Variants in MEST observed in about 807,000 individuals in gnomAD.
The protein encoded by MEST is mesoderm specific transcript.
MEST carries 18 observed loss-of-function variants against 50.9 expected under a neutral mutation model. The ratio of observed to expected loss-of-function variants is 0.35; its 90% CI spans 0.24 to 0.52. The LOEUF (loss-of-function observed/expected upper bound fraction) is 0.52. MEST is among the 20% of genes least tolerant of loss of function. The probability of loss-of-function intolerance (pLI) is 0.94; values close to 1 mark genes in which losing one functional copy is unlikely to be tolerated. For synonymous variants in MEST, 130 were observed against 154.1 expected, an observed-to-expected ratio of 0.84 and a Z score of 1.16; for missense variants, 282 against 425.3, an observed-to-expected ratio of 0.66 and a Z score of 2.96.
At chr7:130,494,746 C>T (rs1563021056) in intron 1 of MEST, 1 of 649,568 alleles carries the variant, frequency 1.5e-6, no homozygotes, top group African/African-American at 2.0e-5. Flanking sequence ...ACTGTTTACC[C>T]TGAGCAGTTT....
At chr7:130,487,042 C>T (rs1798646337) in intron 1 of MEST, 1 of 151,698 alleles carries the variant, frequency 6.6e-6, no homozygotes, top group Non-Finnish European at 1.5e-5. Flanking sequence ...GAAGCACCTG[C>T]TCCTGGTTGA....
chr7:130,495,722 A>T (rs1479221550), intron 2 of MEST, 200 bp downstream of exon 2: 1 of 473,158 alleles, frequency 2.1e-6, no homozygotes, highest in Non-Finnish European at 3.6e-6. Context: ...TCCAACCTGC[A>T]GACCTTACCT....
At chr7:130,503,162 T>C (rs1280058221) in intron 10 of MEST, among the ~76,000 whole-genome samples, 1 of 152,228 alleles carries the variant, frequency 6.6e-6, no homozygotes, top group African/African-American at 2.4e-5. Flanking sequence ...ATCAAGAGGC[T>C]ATAGGTGGTT....
intron 1 of MEST, among the ~76,000 whole-genome samples, chr7:130,493,752 A>T (rs1478827553): frequency 6.6e-6 from 1 of 152,196 alleles, no homozygotes. Context: ...GATGAATGCG[A>T]TGAGAAGCAC....
In MEST at chr7:130,500,778, G is replaced by T; in HGVS notation, c.648-11G>T. 1.9e-6 allele frequency: 3 copies of T among 1,600,426 alleles called. No homozygotes were observed. The highest frequency in any genetic ancestry group is 2.6e-6 in the Non-Finnish European group (3 of 1,174,340). On this transcript the variant is annotated splice_polypyrimidine_tract_variant and intron_variant, in intron 8 of 11. Transcript: ENST00000223215. This position sits in a 1 kb window ranked among gnomAD's most constrained non-coding sequence, Gnocchi z 5.0. ...CTCACACTTATCTTCCTGCGTTTTGGACTCTTTCAGTCTCACCCCAGTCTT... is the reference window on the plus strand; with the variant it reads ...CTCACACTTATCTTCCTGCGTTTTGTACTCTTTCAGTCTCACCCCAGTCTT...
At chr7:130,504,854 A>AG in intron 11 of MEST, 85 bp from the exon 12 acceptor site, 1 of 958,510 alleles carries the variant, frequency 1.0e-6, no homozygotes. Flanking sequence ...GTGTGTCCAC[A>AG]GGGTCATTTA....
rs1563023273 is a variant in MEST at position 130,497,517 on chromosome 7, A to C, written c.261+282A>C. ...GGTTGCAGTGAGCTGAGATTGCACCACTGCACTTCAGCCTAGGTGACAGAG... is the reference window on the plus strand; with the variant it reads ...GGTTGCAGTGAGCTGAGATTGCACCCCTGCACTTCAGCCTAGGTGACAGAG... On this transcript the variant is annotated intron_variant, in intron 3 of 11. Transcript: ENST00000223215. The surrounding 1 kb of genome is among the most constrained non-coding windows in gnomAD (Gnocchi z 4.0). 3.7e-6 allele frequency: 1 copy of C among 271,976 alleles called. No homozygotes were observed. Among genetic ancestry groups the C allele is most frequent in the Non-Finnish European group, 6.9e-6 (1 of 144,090 alleles). The allele number at this position is 271,976 out of a possible 1,614,324, so 16.8% of individuals were successfully genotyped here.
intron 2 of MEST, chr7:130,495,993 C>T (rs949862919): frequency 2.4e-6 from 1 of 421,058 alleles, no homozygotes; most frequent in South Asian, 1.8e-5. Context: ...TACCATATGC[C>T]AGGCACTGAG....
chr7:130,500,732 T>C lies in MEST; in HGVS notation c.648-57T>C. The C allele has an allele frequency of 1.4e-6, 2 of 1,450,904 alleles. No individual in the cohort carries two copies. The highest frequency in any genetic ancestry group is 3.8e-5 in the Admixed American group (2 of 52,588). The allele number at this position is 1,450,904 out of a possible 1,614,324, so 89.9% of individuals were successfully genotyped here. On this transcript the variant is annotated intron_variant, in intron 8 of 11. Transcript: ENST00000223215. The surrounding 1 kb of genome is among the most constrained non-coding windows in gnomAD (Gnocchi z 5.0). ...TGCATGGCCTCTGAGGTTCCAGCCA[T>C]ATTGAACATTCTGAGTTCTCCTCAC...
At position 130,500,612 on chromosome 7, in the gene MEST, A is replaced by T; in HGVS notation, c.647+80A>T. 7.1e-7 allele frequency: 1 copy of T among 1,416,726 alleles called. No homozygotes were observed. The highest frequency in any genetic ancestry group is 1.3e-5 in the South Asian group (1 of 79,542). The allele number at this position is 1,416,726 out of a possible 1,614,324, so 87.8% of individuals were successfully genotyped here. A position where few individuals can be genotyped will look rare whatever the true frequency, so the allele number is the denominator to read the frequency against. On this transcript the variant is annotated intron_variant, in intron 8 of 11. Coordinates refer to ENST00000223215, the MANE Select transcript of MEST (RefSeq NM_002402.4). The surrounding 1 kb of genome is among the most constrained non-coding windows in gnomAD (Gnocchi z 5.0). Reference sequence around the variant, plus strand: ...CCATTACAATTCTGGGCCAAATCCTAAGGCTTGATATTTTAAAGCAAAGGT... The same window carrying T: ...CCATTACAATTCTGGGCCAAATCCTTAGGCTTGATATTTTAAAGCAAAGGT...
At position 130,497,914 on chromosome 7, in the gene MEST, AATC is replaced by A. The variant is rs782568435; in HGVS notation, c.262-18_262-16del. On this transcript the variant is annotated intron_variant, in intron 3 of 11. Coordinates refer to ENST00000223215, the MANE Select transcript of MEST (RefSeq NM_002402.4). The surrounding 1 kb of genome is among the most constrained non-coding windows in gnomAD (Gnocchi z 4.0). ...GGGAGGGGCAGGAGCAGAAAGCCCA[AATC>A]ATCGTTTCTTTCTTGTAGATTTGGG... 134 of 1,612,734 alleles carry A rather than the reference AATC, an allele frequency of 8.3e-5. No homozygotes were observed. In the Admixed American group the frequency reaches 2.2e-3, roughly 26 times the overall value.
At position 130,492,341 on chromosome 7, in the gene MEST, T is replaced by G. The variant is rs1584938120; in HGVS notation, c.26+2T>G. On this transcript the variant is annotated splice_donor_variant, in intron 1 of 11. Transcript: ENST00000223215. LOFTEE classifies it high-confidence loss of function. The surrounding 1 kb of genome is among the most constrained non-coding windows in gnomAD (Gnocchi z 7.6). ...GGTGCGCCGAGATCGCCTCCGCAGG[T>G]GAGTGTGCGGTGGGAACGAGGGGGT... 1 of 1,328,076 alleles carries G rather than the reference T, an allele frequency of 7.5e-7. No individual in the cohort carries two copies. The highest frequency in any genetic ancestry group is 9.7e-7 in the Non-Finnish European group (1 of 1,036,202). 82.3% of individuals were successfully genotyped at this position (1,328,076 alleles called of 1,614,324 possible).
chr7:130,499,782 G>C (rs961608169), intron 6 of MEST, 93 bp from the exon 7 acceptor site: 14 of 1,030,382 alleles, frequency 1.4e-5, no homozygotes, highest in Non-Finnish European at 2.0e-5. Context: ...GCTTGAGCTC[G>C]AGACCAGCTG....
At chr7:130,502,598 A>AGTAAAGGTTTCTT in intron 9 of MEST, 46 bp from the exon 10 acceptor site, 1 of 1,439,064 alleles carries the variant, frequency 6.9e-7, no homozygotes. Flanking sequence ...TCCCTGTAAC[A>AGTAAAGGTTTCTT]GTAAAGGTTT....
chr7:130,494,029 A>G (rs1563020553), intron 1 of MEST, among the ~76,000 whole-genome samples: 1 of 152,210 alleles, frequency 6.6e-6, no homozygotes, highest in Admixed American at 6.5e-5. Flanking sequence ...TTGGAGAAAA[A>G]AAGAAATGAC....
chr7:130,489,076 C>T (rs1398661479), upstream of MEST: 1 of 152,194 alleles, frequency 6.6e-6, no homozygotes, highest in African/African-American at 2.4e-5. Flanking sequence ...ATATCCTGCA[C>T]TTGTCATATT....
intron 9 of MEST, 29 bp from the exon 10 acceptor site, chr7:130,502,615 C>G: frequency 6.4e-7 from 1 of 1,566,520 alleles, no homozygotes; most frequent in Non-Finnish European, 8.8e-7. Context: ...GTTTCTTGTT[C>G]TGCACATGCT....
chr7:130,495,653 T>C, intron 2 of MEST, 131 bp downstream of exon 2: 2 of 999,862 alleles, frequency 2.0e-6, no homozygotes, highest in Non-Finnish European at 2.8e-6. Context: ...TCTTTCTGTG[T>C]AGTGTGCTTG....
rs1390151845 is a variant in MEST at position 130,492,415 on chromosome 7, G to C, written c.26+76G>C. The C allele has an allele frequency of 1.7e-6, 2 of 1,185,568 alleles. No individual in the cohort carries two copies. Among genetic ancestry groups the C allele is most frequent in the Non-Finnish European group, 2.1e-6 (2 of 937,402 alleles). The allele number at this position is 1,185,568 out of a possible 1,614,324, so 73.4% of individuals were successfully genotyped here. On this transcript the variant is annotated intron_variant, in intron 1 of 11. Transcript: ENST00000223215. This position sits in a 1 kb window ranked among gnomAD's most constrained non-coding sequence, Gnocchi z 7.6. ...GGCGCAGGCGAGCGGAGGACTGTGTGCCCGTGTCCGAGCTGGGGCTGCCTC... is the reference window on the plus strand; with the variant it reads ...GGCGCAGGCGAGCGGAGGACTGTGTCCCCGTGTCCGAGCTGGGGCTGCCTC...
Sources: allele counts gnomAD v4.1 joint callset (sites outside exome capture counted in the v4.1 genomes callset), GRCh38; gene constraint gnomAD v4.1.1; non-coding constraint Gnocchi (gnomAD v3.1); transcripts MANE v1.5; gene names NCBI Gene and HGNC (gene_info 2026-07-23, HGNC 2026-07-21).